ST8SIA2: variants seen among roughly 807,000 people sequenced by gnomAD.
ST8SIA2 encodes alpha-2,8-sialyltransferase 8B.
Under a neutral mutation model 37.6 loss-of-function variants are expected in ST8SIA2, and 22 were observed. The observed-to-expected ratio is 0.58, with a 90% CI of 0.42 to 0.83. The LOEUF is 0.83. Among genes scored for constraint, ST8SIA2 ranks in the 40% least tolerant of loss-of-function variants. ST8SIA2 has a pLI of 0.00. For synonymous variants in ST8SIA2, 205 were observed against 201.2 expected, an observed-to-expected ratio of 1.02 and a Z score of -0.16; for missense variants, 382 against 484.7, an observed-to-expected ratio of 0.79 and a Z score of 1.99.
At position 92,396,470 on chromosome 15, in the gene ST8SIA2, G is replaced by GTTTT. The variant is rs111488508; in HGVS notation, c.98+2316_98+2319dup. Among the ~76,000 whole-genome samples, 1,274 of 143,630 alleles carry GTTTT rather than the reference G, an allele frequency of 8.9e-3. 12 individuals are homozygous for GTTTT. Among genetic ancestry groups the GTTTT allele is most frequent in the East Asian group, 0.025 (124 of 4,906 alleles). The allele number at this position is 143,630 out of a possible 152,430, so 94.2% of individuals were successfully genotyped here. The stretch of plus-strand genomic sequence containing the variant: ...GGTTTCTTTTTGTTTGTTTGTTTTT[G>GTTTT]TTTTTTTTTTTGTCTTTTCTTTTTT... On this transcript the variant is annotated intron_variant, in intron 1 of 5. Transcript: ENST00000268164.
At chr15:92,420,299 A>C (rs1351206614) in intron 1 of ST8SIA2, among the ~76,000 whole-genome samples, 1 of 152,090 alleles carries the variant, frequency 6.6e-6, no homozygotes, top group Non-Finnish European at 1.5e-5. Context: ...GATAAGTTAT[A>C]TTGTCCCCCC....
rs138166632 is a variant in ST8SIA2, at chr15:92,410,735, G to A, written c.98+16573G>A. Among the ~76,000 whole-genome samples, 913 of 152,214 alleles carry A rather than the reference G, an allele frequency of 6.0e-3. 8 individuals are homozygous for A. The highest frequency in any genetic ancestry group is 0.023 in the South Asian group (111 of 4,826). ...CCCTGACCTCCCATGGTGAGCTGAC[G>A]TGTAATAAAAACAAAAATAACAATA... On this transcript the variant is annotated intron_variant, in intron 1 of 5. Coordinates refer to ENST00000268164, the MANE Select transcript of ST8SIA2 (RefSeq NM_006011.4).
intron 4 of ST8SIA2, among the ~76,000 whole-genome samples, chr15:92,443,996 A>T (rs979189526): frequency 1.3e-5 from 2 of 152,170 alleles, no homozygotes; most frequent in Non-Finnish European, 2.9e-5. Context: ...ACTTCTGCTT[A>T]GTGGTCACCA....
At chr15:92,397,135 A>G (rs1045169896) in intron 1 of ST8SIA2, among the ~76,000 whole-genome samples, 1 of 152,232 alleles carries the variant, frequency 6.6e-6, no homozygotes, top group African/African-American at 2.4e-5. Flanking sequence ...GAAGGAAGGA[A>G]AGATAGAAGG....
chr15:92,423,694 G>A (rs2049653744), intron 1 of ST8SIA2, among the ~76,000 whole-genome samples: 1 of 152,216 alleles, frequency 6.6e-6, no homozygotes, highest in African/African-American at 2.4e-5. Flanking sequence ...CTTTATAGTG[G>A]CATTAACCCA....
intron 1 of ST8SIA2, among the ~76,000 whole-genome samples, chr15:92,428,431 C>G (rs2049692143): frequency 6.6e-6 from 1 of 152,204 alleles, no homozygotes; most frequent in African/African-American, 2.4e-5. Context: ...ATAGAATTAA[C>G]TCTGCTTGAC....
At chr15:92,421,527 A>G (rs192216430) in intron 1 of ST8SIA2, among the ~76,000 whole-genome samples, 19 of 152,318 alleles carry the variant, frequency 1.2e-4, no homozygotes, top group Admixed American at 7.2e-4. Flanking sequence ...AGCTCATGTG[A>G]TCTTTACAAT....
At chr15:92,432,897 C>T (rs2049726968) in intron 2 of ST8SIA2, among the ~76,000 whole-genome samples, 1 of 152,034 alleles carries the variant, frequency 6.6e-6, no homozygotes, top group South Asian at 2.1e-4. Context: ...TTTGGGAGAC[C>T]GAGGCAGGCA....
intron 1 of ST8SIA2, among the ~76,000 whole-genome samples, chr15:92,424,955 G>T (rs530372814): frequency 6.6e-6 from 1 of 152,154 alleles, no homozygotes; most frequent in Non-Finnish European, 1.5e-5. Context: ...TTGCAGCAGG[G>T]TCAAATGGAC....
At chr15:92,461,741 G>A (rs900823242) in intron 5 of ST8SIA2, among the ~76,000 whole-genome samples, 1 of 152,224 alleles carries the variant, frequency 6.6e-6, no homozygotes, top group Non-Finnish European at 1.5e-5. Flanking sequence ...ATGGAACTTG[G>A]ATTGTATGTG....
At chr15:92,394,215 C>G (rs2049412548) in intron 1 of ST8SIA2, 53 bp downstream of exon 1, 1 of 1,429,916 alleles carries the variant, frequency 7.0e-7, no homozygotes. Context: ...ATCTCTCCCT[C>G]CTTCTGTACT....
intron 1 of ST8SIA2, among the ~76,000 whole-genome samples, chr15:92,397,857 G>C (rs2049442421): frequency 6.6e-6 from 1 of 152,204 alleles, no homozygotes; most frequent in Admixed American, 6.5e-5. Context: ...AGCTGGCCGG[G>C]AACGGTGGCT....
In ST8SIA2 at chr15:92,444,618, T is replaced by C; in HGVS notation, c.549-18T>C. On this transcript the variant is annotated intron_variant, in intron 4 of 5. Coordinates refer to ENST00000268164, the MANE Select transcript of ST8SIA2 (RefSeq NM_006011.4). ...CTCAGCTTTCCCAAAAGGATCATGT[T>C]GCCTTTTTCTCCGGCAGGTGCAACC... 1 of 1,614,214 alleles carries C rather than the reference T, an allele frequency of 6.2e-7. No individual in the cohort carries two copies. The highest frequency in any genetic ancestry group is 8.5e-7 in the Non-Finnish European group (1 of 1,180,034).
At chr15:92,412,516 A>G (rs915185711) in intron 1 of ST8SIA2, among the ~76,000 whole-genome samples, 11 of 152,198 alleles carry the variant, frequency 7.2e-5, no homozygotes, top group Admixed American at 3.3e-4. Flanking sequence ...TTCTTCCCAC[A>G]GCCCTTTGCA....
chr15:92,454,725 C>T (rs1031162301), intron 5 of ST8SIA2, among the ~76,000 whole-genome samples: 3 of 152,090 alleles, frequency 2.0e-5, no homozygotes, highest in African/African-American at 7.2e-5. Flanking sequence ...ACCTGAGCAG[C>T]TCACCCAGGG....
intron 1 of ST8SIA2, 39 bp downstream of exon 1, chr15:92,394,201 C>T: frequency 6.7e-7 from 1 of 1,494,960 alleles, no homozygotes; most frequent in Non-Finnish European, 9.1e-7. Context: ...CGAGCCCTGG[C>T]GGGATCTCTC....
intron 3 of ST8SIA2, among the ~76,000 whole-genome samples, chr15:92,436,940 A>G (rs1393276217): frequency 1.3e-5 from 2 of 152,194 alleles, no homozygotes; most frequent in African/African-American, 4.8e-5. Flanking sequence ...CCACTCTCAG[A>G]ATCAAGATTT....
intron 3 of ST8SIA2, 90 bp from the exon 4 acceptor site, chr15:92,438,263 G>T: frequency 6.3e-7 from 1 of 1,591,962 alleles, no homozygotes; most frequent in Non-Finnish European, 8.6e-7. Flanking sequence ...TGCAGCCACC[G>T]TGCAGGGCGA....
At chr15:92,411,371 G>A (rs1221769909) in intron 1 of ST8SIA2, among the ~76,000 whole-genome samples, 2 of 152,066 alleles carry the variant, frequency 1.3e-5, no homozygotes, top group Admixed American at 6.5e-5. Flanking sequence ...GTCGGGCGGG[G>A]GTGTTGAAAA....
Sources: allele counts gnomAD v4.1 joint callset (sites outside exome capture counted in the v4.1 genomes callset), GRCh38; gene constraint gnomAD v4.1.1; transcripts MANE v1.5; gene names NCBI Gene and HGNC (gene_info 2026-07-23, HGNC 2026-07-21).